Variants in CHRNA9 observed in about 807,000 individuals in gnomAD.
The protein encoded by CHRNA9 is cholinergic receptor nicotinic alpha 9 subunit.
Under a neutral mutation model 36.8 loss-of-function variants are expected in CHRNA9, and 24 were observed. The observed-to-expected ratio is 0.65, with a 90% CI of 0.47 to 0.92. The LOEUF is 0.92. Among genes scored for constraint, CHRNA9 ranks in the 40% least tolerant of loss-of-function variants. The probability of loss-of-function intolerance (pLI) is 0.00; values close to 1 mark genes in which losing one functional copy is unlikely to be tolerated. For synonymous variants in CHRNA9, 231 were observed against 231.8 expected (o/e 1.00, Z 0.03); for missense variants, 610 against 601.2 (o/e 1.01, Z -0.15).
intron 4 of CHRNA9, among the ~76,000 whole-genome samples, chr4:40,350,591 C>A (rs1321637726): frequency 6.6e-6 from 1 of 152,018 alleles, no homozygotes; most frequent in Non-Finnish European, 1.5e-5. Context: ...TGTTGCCTTG[C>A]CCTTTTACTC....
chr4:40,336,601 T>C lies in CHRNA9; in HGVS notation c.211-609T>C, dbSNP rs1193794256. ...ACACCATTCTCCTGCCTCAGCCTCC[T>C]GAGTAGCTGAGACTACAGGCACCCG... On this transcript the variant is annotated intron_variant, in intron 2 of 4. Transcript: ENST00000310169. Among the ~76,000 whole-genome samples the C allele has an allele frequency of 1.3e-5, 2 of 151,970 alleles. 1 individual carries two copies. The highest frequency in any genetic ancestry group is 4.2e-4 in the South Asian group (2 of 4,818).
In CHRNA9 at chr4:40,354,181, G is replaced by A. The variant is rs772084122; in HGVS notation, c.1101G>A (p.Arg367=). The A allele has an allele frequency of 6.2e-7, 1 of 1,614,152 alleles. No individual in the cohort carries two copies. The highest frequency in any genetic ancestry group is 8.5e-7 in the Non-Finnish European group (1 of 1,180,014). ...SCLSPHHSRE[R]DHLTKVYSKL... ...TCAGCCCGCACCACAGTAGAGAGCG[G>A]GACCACCTCACGAAAGTTTATAGCA... The change falls in exon 5 of 5, where the codon CGG becomes CGA. Residue 367 remains arginine (R), a synonymous_variant. Transcript: ENST00000310169.
intron 4 of CHRNA9, among the ~76,000 whole-genome samples, chr4:40,353,468 G>A (rs1384138964): frequency 1.3e-5 from 2 of 150,990 alleles, no homozygotes; most frequent in East Asian, 1.9e-4. Context: ...TCCAGTGTGG[G>A]TGACAGAGCG....
At chr4:40,335,682 C>A in intron 1 of CHRNA9, 145 bp from the exon 2 acceptor site, 4 of 1,001,850 alleles carry the variant, frequency 4.0e-6, no homozygotes, top group Admixed American at 2.0e-5. Context: ...GTAGGGCATG[C>A]CAGAAAAACA....
chr4:40,336,664 TAG>T (rs1298340832), intron 2 of CHRNA9, among the ~76,000 whole-genome samples: 1 of 151,936 alleles, frequency 6.6e-6, no homozygotes, highest in East Asian at 1.9e-4. Flanking sequence ...GTATTTTTAG[TAG>T]AGACAGGGTT....
At chr4:40,345,601 C>T (rs1480508062) in intron 3 of CHRNA9, among the ~76,000 whole-genome samples, 5 of 151,658 alleles carry the variant, frequency 3.3e-5, no homozygotes, top group Non-Finnish European at 7.4e-5. Context: ...AATTCCAGCA[C>T]CTCGGGAGTC....
intron 3 of CHRNA9, among the ~76,000 whole-genome samples, chr4:40,346,716 G>A (rs1303065258): frequency 6.6e-6 from 1 of 152,134 alleles, no homozygotes; most frequent in East Asian, 1.9e-4. Flanking sequence ...AGTTAATATT[G>A]TGGCACCCAT....
Position 40,336,475 on chromosome 4 carries a change from A to G in CHRNA9, c.210+503A>G, listed in dbSNP as rs112132836. On this transcript the variant is annotated intron_variant, in intron 2 of 4. Coordinates refer to ENST00000310169, the MANE Select transcript of CHRNA9 (RefSeq NM_017581.4). Reference sequence around the variant, plus strand: ...ATTAAAATGGTGAGTTTTAATGTGAATTTGATCTTAATTTTTTTTTTGAGA... The same window carrying G: ...ATTAAAATGGTGAGTTTTAATGTGAGTTTGATCTTAATTTTTTTTTTGAGA... Among the ~76,000 whole-genome samples the G allele has an allele frequency of 2.2e-3, 326 of 147,078 alleles. 2 individuals carry two copies. The highest frequency in any genetic ancestry group is 7.6e-3 in the African/African-American group (311 of 40,732).
At chr4:40,348,565 C>T (rs1342187504) in intron 3 of CHRNA9, among the ~76,000 whole-genome samples, 1 of 152,052 alleles carries the variant, frequency 6.6e-6, no homozygotes, top group Non-Finnish European at 1.5e-5. Context: ...ATTTTAGTAT[C>T]GACAGGCTTA....
At chr4:40,336,243 T>A (rs1027673548) in intron 2 of CHRNA9, among the ~76,000 whole-genome samples, 11 of 152,188 alleles carry the variant, frequency 7.2e-5, no homozygotes, top group Non-Finnish European at 1.5e-4. Flanking sequence ...TTATATAAAA[T>A]GTCCAAAAGA....
chr4:40,353,332 A>T (rs1204302991), intron 4 of CHRNA9, among the ~76,000 whole-genome samples: 1 of 152,104 alleles, frequency 6.6e-6, no homozygotes, highest in Non-Finnish European at 1.5e-5. Flanking sequence ...CTCTACTAAA[A>T]ATACAAAAAT....
At position 40,337,277 on chromosome 4, in the gene CHRNA9, C is replaced by T. The variant is rs746881748; in HGVS notation, c.278C>T (p.Thr93Met). 45 of 1,614,022 alleles carry T rather than the reference C, an allele frequency of 2.8e-5. No individual in the cohort carries two copies. In the East Asian group the frequency reaches 7.1e-4, roughly 26 times the overall value. Residue 93 changes from threonine (T) to methionine (M), a missense_variant, in exon 3 of 5, where the codon ACG (threonine) becomes ATG (methionine). Coordinates refer to ENST00000310169, the MANE Select transcript of CHRNA9 (RefSeq NM_017581.4). Reference protein sequence around the residue: ...IRQIWHDAYLTWDRDQYDGLD... With the variant: ...IRQIWHDAYLMWDRDQYDGLD... ...CAAATCTGGCACGATGCCTATCTCACGTGGGACCGAGATCAGTACGATGGC... is the reference window on the plus strand; with the variant it reads ...CAAATCTGGCACGATGCCTATCTCATGTGGGACCGAGATCAGTACGATGGC...
chr4:40,336,003 A>G, intron 2 of CHRNA9, 31 bp downstream of exon 2: 1 of 1,588,086 alleles, frequency 6.3e-7, no homozygotes, highest in Non-Finnish European at 8.6e-7. Context: ...ACTCTGTGGA[A>G]TGATTCTTAG....
At position 40,355,091 on chromosome 4, in the gene CHRNA9, T is replaced by C. The variant is rs1181618294; in HGVS notation, c.*571T>C. On this transcript the variant is annotated 3_prime_UTR_variant, in exon 5 of 5. Transcript: ENST00000310169. Reference sequence around the variant, plus strand: ...AACTTTCTTCATAATGGTGATGTCGTATATGTTGGTTATGTTTTATATAAA... The same window carrying C: ...AACTTTCTTCATAATGGTGATGTCGCATATGTTGGTTATGTTTTATATAAA... 2 of 152,504 alleles carry C rather than the reference T, an allele frequency of 1.3e-5. No individual in the cohort carries two copies. Among genetic ancestry groups the C allele is most frequent in the African/African-American group, 4.8e-5 (2 of 41,462 alleles). The allele number at this position is 152,504 out of a possible 1,614,324, so 9.4% of individuals were successfully genotyped here.
intron 3 of CHRNA9, among the ~76,000 whole-genome samples, chr4:40,344,137 G>A (rs768840599): frequency 5.9e-5 from 9 of 152,338 alleles, no homozygotes; most frequent in Non-Finnish European, 1.3e-4. Flanking sequence ...AAAGGCAACA[G>A]ATCTTCCCCT....
intron 3 of CHRNA9, among the ~76,000 whole-genome samples, chr4:40,347,551 CT>C (rs1712669943): frequency 6.6e-6 from 1 of 151,990 alleles, no homozygotes; most frequent in African/African-American, 2.4e-5. Flanking sequence ...TTTGTCTCAT[CT>C]TTTTTTTCCC....
At chr4:40,344,071 G>A (rs1231920765) in intron 3 of CHRNA9, among the ~76,000 whole-genome samples, 1 of 152,200 alleles carries the variant, frequency 6.6e-6, no homozygotes, top group Non-Finnish European at 1.5e-5. Flanking sequence ...GGTTAGTGAT[G>A]CAAAGAAGGG....
intron 4 of CHRNA9, among the ~76,000 whole-genome samples, chr4:40,351,550 A>C (rs112123833): frequency 1.5e-3 from 235 of 152,258 alleles, no homozygotes; most frequent in Middle Eastern, 3.4e-3. Flanking sequence ...TTTGTTATTC[A>C]TAGCACCCAT....
At chr4:40,349,561 T>C in intron 4 of CHRNA9, 147 bp downstream of exon 4, 1 of 717,344 alleles carries the variant, frequency 1.4e-6, no homozygotes, top group Non-Finnish European at 2.3e-6. Context: ...GTGGTTGCAG[T>C]TAGCATCTTT....
Sources: gnomAD v4.1 joint callset for allele counts (sites outside exome capture counted in the v4.1 genomes callset) on GRCh38, gnomAD v4.1.1 for gene constraint, MANE v1.5 for transcripts, NCBI Gene and HGNC (gene_info 2026-07-23, HGNC 2026-07-21) for gene names.